Variants in DCP2 observed in about 807,000 individuals in gnomAD.
DCP2 encodes decapping mRNA 2.
DCP2 carries 30 observed loss-of-function variants against 56.1 expected under a neutral mutation model. That is an observed-to-expected ratio of 0.53 (90% CI 0.40 to 0.73). The LOEUF is 0.73. DCP2 is among the 30% of genes least tolerant of loss of function. The probability of loss-of-function intolerance (pLI) is 0.00; values close to 1 mark genes in which losing one functional copy is unlikely to be tolerated. For missense variants in DCP2, 533 were observed against 502.7 expected (o/e 1.06, Z -0.58); for synonymous variants, 197 against 163.3 (o/e 1.21, Z -1.57).
intron 5 of DCP2, 52 bp downstream of exon 5, chr5:113,001,288 G>C (rs777625022): frequency 1.9e-6 from 3 of 1,597,018 alleles, no homozygotes; most frequent in African/African-American, 1.4e-5. Flanking sequence ...AAATGAATAA[G>C]TAGGGAAATC....
rs1749935970 is a variant in DCP2 at position 113,017,463 on chromosome 5, A to G, written c.*3979A>G. 6.6e-6 allele frequency: 1 copy of G among 152,196 alleles called. No individual in the cohort carries two copies. Among genetic ancestry groups the G allele is most frequent in the African/African-American group, 2.4e-5 (1 of 41,450 alleles). 9.4% of individuals were successfully genotyped at this position (152,196 alleles called of 1,614,324 possible). ...CTAAGACTTGAAAGTGCATTTGTCT[A>G]GTTGCCAAAAGTTCTAAAAATGAGA... On this transcript the variant is annotated 3_prime_UTR_variant, in exon 11 of 11. Coordinates refer to ENST00000389063, the MANE Select transcript of DCP2 (RefSeq NM_152624.6).
At chr5:112,987,578 G>C (rs1287850395) in intron 2 of DCP2, among the ~76,000 whole-genome samples, 3 of 147,104 alleles carry the variant, frequency 2.0e-5, no homozygotes, top group African/African-American at 2.5e-5. Context: ...TCAGCCTCCT[G>C]AGTAGCTGGG....
At chr5:112,977,911 T>G (rs747345272) in intron 1 of DCP2, among the ~76,000 whole-genome samples, 1 of 152,096 alleles carries the variant, frequency 6.6e-6, no homozygotes, top group Non-Finnish European at 1.5e-5. Context: ...TTCATGCAGT[T>G]TTTTTTAATG....
intron 7 of DCP2, among the ~76,000 whole-genome samples, chr5:113,003,598 C>G (rs556942866): frequency 6.6e-6 from 1 of 152,006 alleles, no homozygotes; most frequent in African/African-American, 2.4e-5. Context: ...AATGTACATT[C>G]GTTTCATCTA....
intron 2 of DCP2, among the ~76,000 whole-genome samples, chr5:112,989,556 C>T (rs1748480153): frequency 6.6e-6 from 1 of 151,954 alleles, no homozygotes; most frequent in African/African-American, 2.4e-5. Flanking sequence ...AGAGATGATG[C>T]TACAGAGTAA....
intron 1 of DCP2, among the ~76,000 whole-genome samples, chr5:112,982,187 C>G (rs1240544550): frequency 7.5e-6 from 1 of 133,628 alleles, no homozygotes; most frequent in Non-Finnish European, 1.5e-5. Flanking sequence ...GTACTCCTCT[C>G]TAATATGTCC....
At chr5:112,989,721 T>A (rs1748493296) in intron 2 of DCP2, among the ~76,000 whole-genome samples, 1 of 152,208 alleles carries the variant, frequency 6.6e-6, no homozygotes, top group Admixed American at 6.5e-5. Context: ...ATTAACGTTT[T>A]CCTACATTTG....
At position 113,004,037 on chromosome 5, in the gene DCP2, A is replaced by G. The variant is rs1462501493; in HGVS notation, c.902A>G (p.Tyr301Cys). The change falls in exon 8 of 11, where the codon TAT (tyrosine) becomes TGT (cysteine). Residue 301 changes from tyrosine (Y) to cysteine (C), a missense_variant. Coordinates refer to ENST00000389063, the MANE Select transcript of DCP2 (RefSeq NM_152624.6). ...AGGCAACCACTGCAGCAAAAGCCAT[A>G]TAATAATCATTCTGAAATGTCTGAC... is the stretch of plus-strand genomic sequence containing the variant. ...KHRQPLQQKP[Y>C]NNHSEMSDLL... 1 of 1,614,152 alleles carries G rather than the reference A, an allele frequency of 6.2e-7. No individual in the cohort carries two copies.
At position 113,001,245 on chromosome 5, in the gene DCP2, C is replaced by G. The variant is rs1357801424; in HGVS notation, c.585+9C>G. 3 of 1,611,784 alleles carry G rather than the reference C, an allele frequency of 1.9e-6. No individual in the cohort carries two copies. The highest frequency in any genetic ancestry group is 1.6e-4 in the Middle Eastern group (1 of 6,064). ...CTAGAAGAGAAATTCGGGTATGTAA[C>G]AAGAGTATTTTCAGGTTACTGGACA... On this transcript the variant is annotated intron_variant, in intron 5 of 10. Coordinates refer to ENST00000389063, the MANE Select transcript of DCP2 (RefSeq NM_152624.6).
At chr5:112,980,922 C>T (rs751089635) in intron 1 of DCP2, among the ~76,000 whole-genome samples, 1 of 152,042 alleles carries the variant, frequency 6.6e-6, no homozygotes, top group Non-Finnish European at 1.5e-5. Context: ...TTCGTAGATA[C>T]TAGATGAGAG....
Position 113,014,959 on chromosome 5 carries a change from G to A in DCP2, c.*1475G>A, listed in dbSNP as rs1338651535. 1 of 152,580 alleles carries A rather than the reference G, an allele frequency of 6.6e-6. No individual in the cohort carries two copies. Among genetic ancestry groups the A allele is most frequent in the Non-Finnish European group, 1.5e-5 (1 of 68,020 alleles). 9.5% of individuals were successfully genotyped at this position (152,580 alleles called of 1,614,324 possible). A position where few individuals can be genotyped will look rare whatever the true frequency, so the allele number is the denominator to read the frequency against. ...ATTCACTTGGTAGTACTTTGCTTTA[G>A]CTTTTAAATGGCTTGATTTTAAAGG... On this transcript the variant is annotated 3_prime_UTR_variant, in exon 11 of 11. Transcript: ENST00000389063.
chr5:112,977,039 G>C (rs33554), intron 1 of DCP2, 53 bp downstream of exon 1: 720,384 of 1,426,994 alleles, frequency 0.5, 187,746 homozygotes, highest in African/African-American at 0.83. Flanking sequence ...TCAGTTTCGC[G>C]GACCCCCAGA....
chr5:112,988,381 A>T (rs536279628), intron 2 of DCP2, among the ~76,000 whole-genome samples: 1 of 149,788 alleles, frequency 6.7e-6, no homozygotes, highest in Non-Finnish European at 1.5e-5. Context: ...AGTCCCAGCT[A>T]CTCCGGAGGC....
At chr5:112,998,469 T>C (rs1335877466) in intron 4 of DCP2, among the ~76,000 whole-genome samples, 5 of 152,180 alleles carry the variant, frequency 3.3e-5, no homozygotes, top group East Asian at 1.9e-4. Flanking sequence ...ATAATACTTA[T>C]ATCATATTAA....
intron 9 of DCP2, among the ~76,000 whole-genome samples, chr5:113,008,936 C>CAAGT (rs1749561322): frequency 6.6e-6 from 1 of 152,044 alleles, no homozygotes. Flanking sequence ...CTCCACTTCC[C>CAAGT]GGGTTCAAGT....
chr5:113,012,852 C>T (rs557950521), intron 10 of DCP2, among the ~76,000 whole-genome samples: 1 of 152,194 alleles, frequency 6.6e-6, no homozygotes, highest in Admixed American at 6.5e-5. Flanking sequence ...CCATCTTGGC[C>T]AGGCTGGTCT....
chr5:113,005,323 A>C (rs1442135597), intron 8 of DCP2, among the ~76,000 whole-genome samples: 1 of 152,242 alleles, frequency 6.6e-6, no homozygotes, highest in Admixed American at 6.5e-5. Flanking sequence ...CAACAACAAC[A>C]CAACAATCTA....
chr5:112,991,050 A>G lies in DCP2; in HGVS notation c.206-1071A>G, dbSNP rs77752734. Among the ~76,000 whole-genome samples, 836 of 152,240 alleles carry G rather than the reference A, an allele frequency of 5.5e-3. 6 individuals carry two copies. The highest frequency in any genetic ancestry group is 0.019 in the African/African-American group (798 of 41,544). On this transcript the variant is annotated intron_variant, in intron 2 of 10. Transcript: ENST00000389063. The stretch of plus-strand genomic sequence containing the variant: ...GTCGTATGTCATTTGATTGTAATGC[A>G]TCATTTGTAGATTAGCTTTATTTCT...
chr5:112,976,959 C>CTCGT lies in DCP2; in HGVS notation c.26_27insTCGT (p.Gly10ArgfsTer32). 1 of 1,594,764 alleles carries CTCGT rather than the reference C, an allele frequency of 6.3e-7. No individual in the cohort carries two copies. The highest frequency in any genetic ancestry group is 1.1e-5 in the South Asian group (1 of 89,888). ...ATGGAGACCAAACGGGTGGAGATTC[C>CTCGT]CGGCAGCGTCCTGGACGATCTCTGC... On this transcript the variant is annotated frameshift_variant, in exon 1 of 11. Coordinates refer to ENST00000389063, the MANE Select transcript of DCP2 (RefSeq NM_152624.6). LOFTEE classifies it high-confidence loss of function.
Sources: allele counts gnomAD v4.1 joint callset (sites outside exome capture counted in the v4.1 genomes callset), GRCh38; gene constraint gnomAD v4.1.1; transcripts MANE v1.5; gene names NCBI Gene and HGNC (gene_info 2026-07-23, HGNC 2026-07-21).